The following TAFA1 variants were observed in gnomAD, a reference collection of about 807,000 sequenced individuals.
TAFA1 encodes the protein TAFA chemokine like family member 1.
Under a neutral mutation model 18.5 loss-of-function variants are expected in TAFA1, and 4 were observed. That is an observed-to-expected ratio of 0.22 (90% CI 0.11 to 0.49). The LOEUF (loss-of-function observed/expected upper bound fraction) is 0.49, where lower values mean the gene tolerates loss of function less well. TAFA1 is among the 20% of genes least tolerant of loss of function. The pLI is 0.98. For synonymous variants in TAFA1, 56 were observed against 55.2 expected, an observed-to-expected ratio of 1.01 and a Z score of -0.06; for missense variants, 147 against 169.0, an observed-to-expected ratio of 0.87 and a Z score of 0.72.
intron 2 of TAFA1, among the ~76,000 whole-genome samples, chr3:68,263,678 A>C (rs1250126040): frequency 1.3e-5 from 2 of 151,940 alleles, no homozygotes; most frequent in African/African-American, 2.4e-5. Flanking sequence ...TCAGGACTCA[A>C]AGTCACCTAT....
intron 2 of TAFA1, among the ~76,000 whole-genome samples, chr3:68,069,839 A>G (rs556237246): frequency 5.6e-4 from 85 of 152,336 alleles, no homozygotes; most frequent in Non-Finnish European, 9.8e-4. Context: ...TAAAGCTCCA[A>G]AATGATCTCC....
chr3:68,040,253 C>T (rs1330984823), intron 2 of TAFA1, among the ~76,000 whole-genome samples: 2 of 152,172 alleles, frequency 1.3e-5, no homozygotes, highest in East Asian at 1.9e-4. Context: ...ATTTTACTCA[C>T]CTGCTCCATC....
At position 68,105,370 on chromosome 3, in the gene TAFA1, C is replaced by A. The variant is rs568596951; in HGVS notation, c.118+98626C>A. 4.6e-5 allele frequency among the ~76,000 whole-genome samples: 7 copies of A among 152,182 alleles called. No individual in the cohort carries two copies. In the East Asian group the frequency reaches 1.4e-3, roughly 29 times the overall value. ...CAAATGGACAGAAACACAGTCGTGT[C>A]AAAATAATTTTTAGACTCTAAAATG... On this transcript the variant is annotated intron_variant, in intron 2 of 4. Coordinates refer to ENST00000478136, the MANE Select transcript of TAFA1 (RefSeq NM_213609.4).
intron 2 of TAFA1, among the ~76,000 whole-genome samples, chr3:68,095,102 C>A (rs977246322): frequency 4.2e-4 from 64 of 152,126 alleles, no homozygotes; most frequent in African/African-American, 1.5e-3. Flanking sequence ...CTTTGTCTTC[C>A]AGCCAGAGAG....
At chr3:68,495,002 A>AAAAAG (rs1440302753) in intron 3 of TAFA1, among the ~76,000 whole-genome samples, 30 of 152,068 alleles carry the variant, frequency 2.0e-4, no homozygotes, top group Non-Finnish European at 3.4e-4. Flanking sequence ...CAACTAGAGT[A>AAAAAG]AAAACAAAAG....
At chr3:68,337,380 G>A (rs575790145) in intron 2 of TAFA1, among the ~76,000 whole-genome samples, 1 of 152,092 alleles carries the variant, frequency 6.6e-6, no homozygotes, top group South Asian at 2.1e-4. Flanking sequence ...TAGAACAAGG[G>A]GGAAATCCTC....
chr3:68,398,703 TA>T (rs1234651599), intron 2 of TAFA1, among the ~76,000 whole-genome samples: 1 of 152,192 alleles, frequency 6.6e-6, no homozygotes, highest in Admixed American at 6.5e-5. Flanking sequence ...GTTATTTCAT[TA>T]CGAACATTAA....
At chr3:68,256,190 T>C (rs932201358) in intron 2 of TAFA1, among the ~76,000 whole-genome samples, 5 of 152,150 alleles carry the variant, frequency 3.3e-5, no homozygotes, top group African/African-American at 7.2e-5. Flanking sequence ...CCACTTGATA[T>C]TGGATGACTC....
intron 2 of TAFA1, among the ~76,000 whole-genome samples, chr3:68,121,737 C>A (rs1289102961): frequency 6.6e-6 from 1 of 152,078 alleles, no homozygotes; most frequent in Non-Finnish European, 1.5e-5. Context: ...TCATCTAGAT[C>A]TATCAAAACG....
At chr3:68,246,263 C>T (rs2067074474) in intron 2 of TAFA1, among the ~76,000 whole-genome samples, 1 of 152,100 alleles carries the variant, frequency 6.6e-6, no homozygotes, top group Non-Finnish European at 1.5e-5. Flanking sequence ...GTTCAATCTG[C>T]TTTCAGTCCT....
the TAFA1 span, among the ~76,000 whole-genome samples, chr3:67,993,913 G>T: frequency 1.3e-5 from 2 of 151,990 alleles, no homozygotes; most frequent in African/African-American, 2.4e-5. Flanking sequence ...TCAAGGGGAG[G>T]GGGGAGCACT....
chr3:68,075,621 G>T (rs1347589077), intron 2 of TAFA1, among the ~76,000 whole-genome samples: 4 of 151,890 alleles, frequency 2.6e-5, no homozygotes, highest in African/African-American at 9.7e-5. Context: ...TGTCTCAAGT[G>T]GGTAGAAAAA....
chr3:68,351,592 T>G (rs570441468), intron 2 of TAFA1, among the ~76,000 whole-genome samples: 24 of 152,068 alleles, frequency 1.6e-4, no homozygotes, highest in Non-Finnish European at 2.6e-4. Context: ...AATTCCAGCT[T>G]ATATAGCATC....
At chr3:68,080,142 C>T (rs941428528) in intron 2 of TAFA1, among the ~76,000 whole-genome samples, 16 of 152,098 alleles carry the variant, frequency 1.1e-4, no homozygotes, top group African/African-American at 3.9e-4. Context: ...CAACCCCTGC[C>T]TTTTTTTATT....
intron 2 of TAFA1, among the ~76,000 whole-genome samples, chr3:68,374,289 A>G (rs2069767200): frequency 6.6e-6 from 1 of 152,132 alleles, no homozygotes; most frequent in African/African-American, 2.4e-5. Flanking sequence ...CAAGGGTCAT[A>G]TTTTATAAAC....
intron 2 of TAFA1, among the ~76,000 whole-genome samples, chr3:68,071,033 T>A (rs1210063718): frequency 1.3e-5 from 2 of 152,248 alleles, no homozygotes; most frequent in Non-Finnish European, 2.9e-5. Flanking sequence ...TGTTACCTAG[T>A]TCCAAATTCA....
At chr3:68,416,096 A>G (rs927511069) in intron 2 of TAFA1, among the ~76,000 whole-genome samples, 1 of 152,142 alleles carries the variant, frequency 6.6e-6, no homozygotes, top group Non-Finnish European at 1.5e-5. Flanking sequence ...GACAATCAGA[A>G]ATATCTCCAA....
intron 2 of TAFA1, among the ~76,000 whole-genome samples, chr3:68,240,990 G>C (rs2107135932): frequency 6.6e-6 from 1 of 152,200 alleles, no homozygotes; most frequent in Middle Eastern, 3.4e-3. Context: ...ATCAGCTCTA[G>C]TGTGGATATT....
chr3:68,476,839 A>C (rs935052383), intron 3 of TAFA1, among the ~76,000 whole-genome samples: 2 of 152,322 alleles, frequency 1.3e-5, no homozygotes. Context: ...CCAATATTAT[A>C]GTTATTAGTA....
Sources: gnomAD v4.1 joint callset for allele counts (sites outside exome capture counted in the v4.1 genomes callset) on GRCh38, gnomAD v4.1.1 for gene constraint, MANE v1.5 for transcripts, NCBI Gene and HGNC (gene_info 2026-07-23, HGNC 2026-07-21) for gene names.